OR2L2: variants seen among roughly 807,000 people sequenced by gnomAD.
OR2L2 encodes the protein olfactory receptor family 2 subfamily L member 2.
For missense variants in OR2L2, 378 were observed against 375.2 expected, an observed-to-expected ratio of 1.01 and a Z score of -0.06; for synonymous variants, 156 against 135.4, an observed-to-expected ratio of 1.15 and a Z score of -1.06.
At position 248,040,621 on chromosome 1, in the gene OR2L2, CAAT is replaced by C. The variant is rs1211317377; in HGVS notation, c.*1418_*1420del. The C allele has an allele frequency of 7.9e-5, 12 of 152,138 alleles. No homozygotes were observed. Among genetic ancestry groups the C allele is most frequent in the African/African-American group, 2.9e-4 (12 of 41,426 alleles). The allele number at this position is 152,138 out of a possible 1,614,324, so 9.4% of individuals were successfully genotyped here. On this transcript the variant is annotated 3_prime_UTR_variant, in exon 3 of 3. Transcript: ENST00000641771. ...TATTTTCTCTTTCTGATGATTTTCT[CAAT>C]AAGATATTCTTTTTTAGCTCACTTT...
intron 1 of OR2L2, among the ~76,000 whole-genome samples, chr1:248,031,000 C>T (rs535196790): frequency 2.0e-5 from 3 of 152,224 alleles, no homozygotes; most frequent in Non-Finnish European, 2.9e-5. Flanking sequence ...TAGGTATATA[C>T]ATTTTAGGAG....
chr1:248,040,673 A>C lies in OR2L2; in HGVS notation c.*1467A>C, dbSNP rs1004063794. ...TTACTGTAAGAGTAGAGTATATAAG[A>C]CATATAAGATACAAAGTTGTGTTAA... On this transcript the variant is annotated 3_prime_UTR_variant, in exon 3 of 3. Coordinates refer to ENST00000641771, the MANE Select transcript of OR2L2 (RefSeq NM_001385855.1). 1 of 152,214 alleles carries C rather than the reference A, an allele frequency of 6.6e-6. No homozygotes were observed. Among genetic ancestry groups the C allele is most frequent in the Non-Finnish European group, 1.5e-5 (1 of 68,038 alleles). 9.4% of individuals were successfully genotyped at this position (152,214 alleles called of 1,614,324 possible).
chr1:248,030,812 ACATATTG>A (rs1662598692), intron 1 of OR2L2, among the ~76,000 whole-genome samples: 1 of 152,158 alleles, frequency 6.6e-6, no homozygotes, highest in Admixed American at 6.5e-5. Context: ...AACAATCCTG[ACATATTG>A]CACGTGCCAG....
rs1037366262 is a variant in OR2L2 at position 248,038,464 on chromosome 1, C to T, written c.197C>T (p.Ser66Phe). ...TPMYFLLSQL[S>F]LIDLNYISTI... is the part of the protein sequence containing the mutation. ...ATGTATTTCCTACTTAGTCAGCTCT[C>T]CCTCATTGACCTAAATTACATCTCC... The change falls in exon 3 of 3, where the codon TCC becomes TTC. Residue 66 changes from serine to phenylalanine, a missense_variant. Ser to Phe is a radical substitution (Grantham distance 155, BLOSUM62 -2). Transcript: ENST00000641771. The T allele has an allele frequency of 2.5e-6, 4 of 1,613,778 alleles. No individual in the cohort carries two copies. Among genetic ancestry groups the T allele is most frequent in the Admixed American group, 1.7e-5 (1 of 60,016 alleles).
chr1:248,039,623 T>C lies in OR2L2; in HGVS notation c.*417T>C, dbSNP rs966514890. The C allele has an allele frequency of 6.5e-6, 1 of 154,846 alleles. No individual in the cohort carries two copies. Among genetic ancestry groups the C allele is most frequent in the Non-Finnish European group, 1.4e-5 (1 of 69,844 alleles). The allele number at this position is 154,846 out of a possible 1,614,324, so 9.6% of individuals were successfully genotyped here. On this transcript the variant is annotated 3_prime_UTR_variant, in exon 3 of 3. Coordinates refer to ENST00000641771, the MANE Select transcript of OR2L2 (RefSeq NM_001385855.1). The stretch of plus-strand genomic sequence containing the variant: ...AATCAAATATAGGTCATATATTTTC[T>C]ACTAAATTGTGGGCAACAGGGTTTC...
Position 248,038,538 on chromosome 1 carries a change from A to G in OR2L2, c.271A>G (p.Ile91Val), listed in dbSNP as rs1206075494. The G allele has an allele frequency of 8.1e-6, 13 of 1,614,054 alleles. No homozygotes were observed. Among genetic ancestry groups the G allele is most frequent in the African/African-American group, 5.3e-5 (4 of 74,920 alleles). Residue 91 changes from isoleucine (I) to valine (V), a missense_variant, in exon 3 of 3, where the codon ATC (isoleucine) becomes GTC (valine). Physicochemically the swap from Ile to Val is conservative, Grantham distance 29 (BLOSUM62 3). Transcript: ENST00000641771. ...TGATTTTCTGTATGGAAACAAGTCT[A>G]TCTCCTTCACTGGATGTGGGATTCA... ...VYDFLYGNKS[I>V]SFTGCGIQSF...
At chr1:248,035,762 G>A (rs1201943714) in intron 2 of OR2L2, 138 bp downstream of exon 2, 2 of 152,100 alleles carry the variant, frequency 1.3e-5, no homozygotes, top group African/African-American at 4.8e-5. Context: ...ACAGTCAATA[G>A]TGACCTGCTT....
In OR2L2 at chr1:248,040,029, C is replaced by A. The variant is rs1662899746; in HGVS notation, c.*823C>A. The A allele has an allele frequency of 6.6e-6, 1 of 152,162 alleles. No individual in the cohort carries two copies. The highest frequency in any genetic ancestry group is 2.4e-5 in the African/African-American group (1 of 41,448). The allele number at this position is 152,162 out of a possible 1,614,324, so 9.4% of individuals were successfully genotyped here. A position where few individuals can be genotyped will look rare whatever the true frequency, so the allele number is the denominator to read the frequency against. On this transcript the variant is annotated 3_prime_UTR_variant, in exon 3 of 3. Coordinates refer to ENST00000641771, the MANE Select transcript of OR2L2 (RefSeq NM_001385855.1). ...TGGAGTAGGTTATTTGAATCATTTC[C>A]CAGTCACGTCACAACACACTCAAGA... is the stretch of plus-strand genomic sequence containing the variant.
chr1:248,037,205 AAAT>A (rs1662788437), intron 2 of OR2L2, among the ~76,000 whole-genome samples: 1 of 152,198 alleles, frequency 6.6e-6, no homozygotes, highest in African/African-American at 2.4e-5. Context: ...TAGAAGAACC[AAAT>A]AATGATGTCT....
chr1:248,030,703 G>A (rs187856398), intron 1 of OR2L2, among the ~76,000 whole-genome samples: 13 of 152,074 alleles, frequency 8.5e-5, no homozygotes, highest in African/African-American at 1.4e-4. Flanking sequence ...AGAGAAGTTC[G>A]CTTACAAACT....
chr1:248,039,146 C>T lies in OR2L2; in HGVS notation c.879C>T (p.Asn293=), dbSNP rs149507338. The change falls in exon 3 of 3, where the codon AAC becomes AAT. Residue 293 remains asparagine, a synonymous_variant. Coordinates refer to ENST00000641771, the MANE Select transcript of OR2L2 (RefSeq NM_001385855.1). ...ACCCCATCATCTACAGCCTGAGAAA[C>T]AAGGAGGTGATGGGGGCCCTGACAC... ...MLNPIIYSLR[N]KEVMGALTQV... is the part of the protein sequence containing the mutation. 290 of 1,613,674 alleles carry T rather than the reference C, an allele frequency of 1.8e-4. 1 individual carries two copies. In the African/African-American group the frequency reaches 3.2e-3, roughly 18 times the overall value.
chr1:248,032,912 A>AT (rs988667940), intron 1 of OR2L2, among the ~76,000 whole-genome samples: 5 of 152,188 alleles, frequency 3.3e-5, no homozygotes, highest in African/African-American at 9.7e-5. Flanking sequence ...TTTTGAAGAA[A>AT]TTACTATACA....
rs1662960062 is a variant in OR2L2 at position 248,041,875 on chromosome 1, G to A, written c.*2669G>A. 1 of 152,150 alleles carries A rather than the reference G, an allele frequency of 6.6e-6. No homozygotes were observed. The highest frequency in any genetic ancestry group is 2.4e-5 in the African/African-American group (1 of 41,440). 9.4% of individuals were successfully genotyped at this position (152,150 alleles called of 1,614,324 possible). A position where few individuals can be genotyped will look rare whatever the true frequency, so the allele number is the denominator to read the frequency against. The stretch of plus-strand genomic sequence containing the variant: ...TCAGGAAACAACAGGTGCTGGAGAG[G>A]ATGTGGAGAAAACACTTTTACACTG... On this transcript the variant is annotated 3_prime_UTR_variant, in exon 3 of 3. Coordinates refer to ENST00000641771, the MANE Select transcript of OR2L2 (RefSeq NM_001385855.1).
In OR2L2 at chr1:248,040,666, A is replaced by C. The variant is rs1165466960; in HGVS notation, c.*1460A>C. 6.6e-6 allele frequency: 1 copy of C among 152,204 alleles called. No individual in the cohort carries two copies. The highest frequency in any genetic ancestry group is 6.5e-5 in the Admixed American group (1 of 15,286). 9.4% of individuals were successfully genotyped at this position (152,204 alleles called of 1,614,324 possible). A position where few individuals can be genotyped will look rare whatever the true frequency, so the allele number is the denominator to read the frequency against. On this transcript the variant is annotated 3_prime_UTR_variant, in exon 3 of 3. Transcript: ENST00000641771. ...GCTCACTTTACTGTAAGAGTAGAGTATATAAGACATATAAGATACAAAGTT... is the reference window on the plus strand; with the variant it reads ...GCTCACTTTACTGTAAGAGTAGAGTCTATAAGACATATAAGATACAAAGTT...
chr1:248,037,629 G>A (rs1369736871), intron 2 of OR2L2, among the ~76,000 whole-genome samples: 1 of 152,108 alleles, frequency 6.6e-6, no homozygotes, highest in Non-Finnish European at 1.5e-5. Context: ...TAGAATAAAT[G>A]AGTTCATCAT....
Position 248,038,407 on chromosome 1 carries a change from T to G in OR2L2, c.140T>G (p.Leu47Arg), listed in dbSNP as rs1227847151. 6.2e-7 allele frequency: 1 copy of G among 1,613,782 alleles called. No individual in the cohort carries two copies. The highest frequency in any genetic ancestry group is 8.5e-7 in the Non-Finnish European group (1 of 1,179,686). The change falls in exon 3 of 3, where the codon CTC becomes CGC. Residue 47 changes from leucine to arginine, a missense_variant. By Grantham distance (102) the Leu-to-Arg change is moderately radical. Transcript: ENST00000641771. ...ATTGGAAATCTATCCATGATTCTTC[T>G]CATCTTTTTGGACATCCATCTCCAC... is the stretch of plus-strand genomic sequence containing the variant. ...ALIGNLSMIL[L>R]IFLDIHLHTP... is the part of the protein sequence containing the mutation.
chr1:248,033,166 G>C (rs1179379162), intron 1 of OR2L2, among the ~76,000 whole-genome samples: 2 of 152,202 alleles, frequency 1.3e-5, no homozygotes, highest in East Asian at 3.9e-4. Flanking sequence ...TTCCACAGAG[G>C]CTGTACAATT....
chr1:248,030,291 C>T (rs1662583320), intron 1 of OR2L2, 56 bp downstream of exon 1: 1 of 152,128 alleles, frequency 6.6e-6, no homozygotes, highest in Admixed American at 6.6e-5. Context: ...AGAAGGGACT[C>T]TGGCAAGTGC....
chr1:248,032,284 T>C (rs1416033464), intron 1 of OR2L2, among the ~76,000 whole-genome samples: 1 of 152,172 alleles, frequency 6.6e-6, no homozygotes, highest in Non-Finnish European at 1.5e-5. Flanking sequence ...TCAGTATATT[T>C]AAATGTTTTT....
Sources: gnomAD v4.1 joint callset for allele counts (sites outside exome capture counted in the v4.1 genomes callset) on GRCh38, gnomAD v4.1.1 for gene constraint, MANE v1.5 for transcripts, NCBI Gene and HGNC (gene_info 2026-07-23, HGNC 2026-07-21) for gene names.